The following LEKR1 variants were observed in gnomAD, a reference collection of about 807,000 sequenced individuals.
LEKR1 encodes protein LEKR1.
Under a neutral mutation model 72.4 loss-of-function variants are expected in LEKR1, and 59 were observed. That is an observed-to-expected ratio of 0.82 (90% CI 0.66 to 1.01). The LOEUF (loss-of-function observed/expected upper bound fraction) is 1.01. Among genes scored for constraint, LEKR1 ranks in the 50% least tolerant of loss-of-function variants. The probability of loss-of-function intolerance (pLI) is 0.00; values close to 1 mark genes in which losing one functional copy is unlikely to be tolerated. For missense variants in LEKR1, 728 were observed against 759.2 expected, an observed-to-expected ratio of 0.96 and a Z score of 0.48; for synonymous variants, 257 against 263.2, an observed-to-expected ratio of 0.98 and a Z score of 0.23.
At chr3:156,843,316 C>T (rs1287595850) in intron 2 of LEKR1, among the ~76,000 whole-genome samples, 1 of 152,012 alleles carries the variant, frequency 6.6e-6, no homozygotes, top group African/African-American at 2.4e-5. Flanking sequence ...TGCTTGGGGA[C>T]ATATGTGGAA....
chr3:156,833,378 A>C (rs1041163403), intron 2 of LEKR1, among the ~76,000 whole-genome samples: 5 of 152,196 alleles, frequency 3.3e-5, no homozygotes, highest in African/African-American at 7.2e-5. Flanking sequence ...GGATCAAAGT[A>C]AAAATAACTG....
At chr3:157,045,051 G>A (rs981801494) in intron 12 of LEKR1, among the ~76,000 whole-genome samples, 6 of 152,134 alleles carry the variant, frequency 3.9e-5, no homozygotes, top group Non-Finnish European at 7.3e-5. Flanking sequence ...AACTCCAGCC[G>A]CACCACTAAC....
At chr3:156,938,860 C>T (rs889500990) in intron 5 of LEKR1, among the ~76,000 whole-genome samples, 1 of 152,078 alleles carries the variant, frequency 6.6e-6, no homozygotes, top group East Asian at 1.9e-4. Context: ...AATGACCTAA[C>T]ATAATTTTGA....
chr3:156,902,962 C>G (rs1560067629), intron 3 of LEKR1, among the ~76,000 whole-genome samples: 1 of 151,924 alleles, frequency 6.6e-6, no homozygotes, highest in African/African-American at 2.4e-5. Flanking sequence ...TTTTTAATGA[C>G]AAATATTACA....
chr3:157,040,993 A>G (rs9846561), intron 12 of LEKR1, among the ~76,000 whole-genome samples: 12,150 of 152,246 alleles, frequency 0.08, 1,343 homozygotes, highest in African/African-American at 0.24. Context: ...AAATATAAAA[A>G]TAAACCACTC....
At chr3:156,972,044 A>G (rs1288671754) in intron 6 of LEKR1, among the ~76,000 whole-genome samples, 1 of 152,194 alleles carries the variant, frequency 6.6e-6, no homozygotes, top group Admixed American at 6.6e-5. Context: ...ATGCACATGT[A>G]TGTTTATTGC....
intron 2 of LEKR1, among the ~76,000 whole-genome samples, chr3:156,835,666 C>T (rs945004656): frequency 1.3e-5 from 2 of 152,140 alleles, no homozygotes; most frequent in African/African-American, 4.8e-5. Flanking sequence ...AACCAAGTAT[C>T]ACCCTGTAGT....
intron 3 of LEKR1, among the ~76,000 whole-genome samples, chr3:156,907,444 A>T (rs1299125877): frequency 6.6e-6 from 1 of 151,994 alleles, no homozygotes; most frequent in Non-Finnish European, 1.5e-5. Flanking sequence ...ATTCCATAGG[A>T]CCATAGGTTA....
intron 4 of LEKR1, among the ~76,000 whole-genome samples, chr3:156,922,187 G>A (rs1724258540): frequency 6.6e-6 from 1 of 152,140 alleles, no homozygotes; most frequent in South Asian, 2.1e-4. Context: ...ACTTTCACTG[G>A]TAGATATAAT....
chr3:157,016,825 T>TGTA (rs1733382450), intron 10 of LEKR1, among the ~76,000 whole-genome samples: 1 of 152,188 alleles, frequency 6.6e-6, no homozygotes, highest in East Asian at 1.9e-4. Flanking sequence ...ATACAATACA[T>TGTA]GTAGTGATAT....
chr3:156,854,027 T>C (rs1349150380), intron 3 of LEKR1, among the ~76,000 whole-genome samples: 1 of 152,128 alleles, frequency 6.6e-6, no homozygotes, highest in African/African-American at 2.4e-5. Context: ...AGAAAGTCTT[T>C]GTACCCTGCT....
At chr3:156,924,909 T>C (rs1413448479) in intron 4 of LEKR1, 1 of 157,976 alleles carries the variant, frequency 6.3e-6, no homozygotes, top group African/African-American at 2.4e-5. Context: ...GTTTTCAAAA[T>C]TGTTTTTGCT....
At position 156,996,301 on chromosome 3, in the gene LEKR1, T is replaced by A. The variant is rs376509940; in HGVS notation, c.1109+3024T>A. ...CGAAGATGATACTCTGCCCATTTCC[T>A]AAAGGAAGACAAGTGGAAGTTACCA... On this transcript the variant is annotated intron_variant, in intron 9 of 12. Transcript: ENST00000356539. Among the ~76,000 whole-genome samples, 39 of 152,184 alleles carry A rather than the reference T, an allele frequency of 2.6e-4. No homozygotes were observed. In the South Asian group the frequency reaches 6.8e-3, roughly 27 times the overall value.
At chr3:157,040,399 A>G (rs1735263511) in intron 12 of LEKR1, among the ~76,000 whole-genome samples, 1 of 152,094 alleles carries the variant, frequency 6.6e-6, no homozygotes, top group Admixed American at 6.5e-5. Context: ...TTATGTTTGT[A>G]AGCAGGGAAA....
intron 10 of LEKR1, among the ~76,000 whole-genome samples, chr3:157,014,208 G>A (rs78533445): frequency 0.018 from 2,731 of 152,044 alleles, 80 homozygotes; most frequent in African/African-American, 0.063. Context: ...ACTTTTTAGT[G>A]CAATAAGCAA....
chr3:157,028,071 G>A (rs16827068), intron 11 of LEKR1, 32 bp from the exon 12 acceptor site: 18,562 of 1,395,080 alleles, frequency 0.013, 513 homozygotes, highest in East Asian at 0.12. Context: ...AGAAACTATC[G>A]CCTACAAGCT....
At chr3:156,981,640 C>T (rs1294200374) in intron 7 of LEKR1, among the ~76,000 whole-genome samples, 1 of 152,142 alleles carries the variant, frequency 6.6e-6, no homozygotes, top group African/African-American at 2.4e-5. Flanking sequence ...TATCTACTCT[C>T]CTTTACTGCT....
At chr3:156,871,545 G>C (rs9816954) in intron 3 of LEKR1, among the ~76,000 whole-genome samples, 1 of 152,070 alleles carries the variant, frequency 6.6e-6, no homozygotes, top group African/African-American at 2.4e-5. Context: ...GACTTCCACA[G>C]TGGTTGAACT....
At chr3:157,007,258 C>G (rs1433968989) in intron 9 of LEKR1, among the ~76,000 whole-genome samples, 1 of 152,068 alleles carries the variant, frequency 6.6e-6, no homozygotes, top group African/African-American at 2.4e-5. Flanking sequence ...CCCTTAACCA[C>G]CCACCATCTA....
Sources: gnomAD v4.1 joint callset for allele counts (sites outside exome capture counted in the v4.1 genomes callset) on GRCh38, gnomAD v4.1.1 for gene constraint, MANE v1.5 for transcripts, NCBI Gene and HGNC (gene_info 2026-07-23, HGNC 2026-07-21) for gene names.